Variants in USP7 observed in about 807,000 individuals in gnomAD.
USP7 encodes the protein ubiquitin specific peptidase 7.
A neutral mutation model predicts 162.9 loss-of-function variants in USP7; 9 were observed. That is an observed-to-expected ratio of 0.06 (90% CI 0.03 to 0.10). The LOEUF (loss-of-function observed/expected upper bound fraction) is 0.10, where lower values mean the gene tolerates loss of function less well. Among genes scored for constraint, USP7 ranks in the 10% least tolerant of loss-of-function variants. The pLI is 1.00. For missense variants in USP7, 715 were observed against 1,373.7 expected (o/e 0.52, Z 7.58); for synonymous variants, 562 against 475.9 (o/e 1.18, Z -2.35).
chr16:8,896,572 C>A (rs566483667), intron 26 of USP7, among the ~76,000 whole-genome samples: 1 of 152,140 alleles, frequency 6.6e-6, no homozygotes, highest in African/African-American at 2.4e-5. Context: ...CTAGATGGAA[C>A]AGAAGTGACT....
intron 1 of USP7, among the ~76,000 whole-genome samples, chr16:8,958,131 G>C (rs1369549968): frequency 6.6e-6 from 1 of 152,224 alleles, no homozygotes; most frequent in Admixed American, 6.5e-5. Context: ...GTCACCTTCA[G>C]AGCAAACAAG....
intron 3 of USP7, among the ~76,000 whole-genome samples, chr16:8,921,580 C>G (rs1467704367): frequency 1.3e-5 from 2 of 152,074 alleles, no homozygotes; most frequent in African/African-American, 4.8e-5. Context: ...CAATTTTGAC[C>G]TCTGCTTCTA....
rs1372705084 is a variant in USP7 at position 8,963,538 on chromosome 16, C to T, written c.-253G>A. 1 of 124,064 alleles carries T rather than the reference C, an allele frequency of 8.1e-6. No individual in the cohort carries two copies. The highest frequency in any genetic ancestry group is 1.7e-5 in the Non-Finnish European group (1 of 57,974). The allele number at this position is 124,064 out of a possible 1,614,324, so 7.7% of individuals were successfully genotyped here. A position where few individuals can be genotyped will look rare whatever the true frequency, so the allele number is the denominator to read the frequency against. On this transcript the variant is annotated 5_prime_UTR_variant, in exon 1 of 31. Coordinates refer to ENST00000344836, the MANE Select transcript of USP7 (RefSeq NM_003470.3). ...CGAGGCGGGCGGGCGGCCGGCGGGC[C>T]GGGCCGGGCGGCCTCGTCGCTCGCT...
intron 22 of USP7, 150 bp from the exon 23 acceptor site, chr16:8,899,338 A>C (rs2061739452): frequency 1.2e-6 from 1 of 803,504 alleles, no homozygotes; most frequent in African/African-American, 1.7e-5. Context: ...ATTATTCCTT[A>C]ATGAATCACC....
At chr16:8,935,579 CTA>C (rs1898661843) in intron 1 of USP7, 1 of 152,146 alleles carries the variant, frequency 6.6e-6, no homozygotes, top group South Asian at 2.1e-4. Context: ...ACACAAGTGA[CTA>C]TGTGCAATGT....
At chr16:8,895,245 T>C (rs1489121565) in intron 27 of USP7, 95 bp from the exon 28 acceptor site, 1 of 1,578,258 alleles carries the variant, frequency 6.3e-7, no homozygotes, top group African/African-American at 1.4e-5. Flanking sequence ...ACCCGGAGGG[T>C]AAAGCCTATT....
rs1567223638 is a variant in USP7 at position 8,918,975 on chromosome 16, T to C, written c.720+56A>G. On this transcript the variant is annotated intron_variant, in intron 6 of 30. Coordinates refer to ENST00000344836, the MANE Select transcript of USP7 (RefSeq NM_003470.3). The stretch of plus-strand genomic sequence containing the variant: ...TTGTTGAGAGGACTTTGCTCTGATA[T>C]ACCTGAGAAGAAAGGGTGAGCGGAA... The C allele has an allele frequency of 1.0e-5, 16 of 1,575,644 alleles. No individual in the cohort carries two copies. In the Admixed American group the frequency reaches 1.2e-4, roughly 12 times the overall value.
chr16:8,941,404 T>C (rs896694581), intron 1 of USP7, among the ~76,000 whole-genome samples: 3 of 152,200 alleles, frequency 2.0e-5, no homozygotes, highest in Non-Finnish European at 2.9e-5. Flanking sequence ...AAACATCTTA[T>C]TCTGTAGCCT....
At chr16:8,958,607 G>A (rs1430405029) in intron 1 of USP7, among the ~76,000 whole-genome samples, 2 of 152,168 alleles carry the variant, frequency 1.3e-5, no homozygotes, top group African/African-American at 4.8e-5. Context: ...ACAGGATGTG[G>A]GATAGAGACA....
rs1161832673 is a variant in USP7 at position 8,905,234 on chromosome 16, T to C, written c.1526A>G (p.His509Arg). The change falls in exon 14 of 31, where the codon CAC becomes CGC. Residue 509 changes from histidine (H) to arginine (R), a missense_variant. His to Arg is a conservative substitution (Grantham distance 29). Around this residue, in one of 11 missense-constraint regions of USP7, gnomAD observed 197 missense variants for 306.5 expected, o/e 0.64. Transcript: ENST00000344836. ...GGHDDDLSVR[H>R]CTNAYMLVYI... ...GACTAACATGTAAGCATTAGTGCAG[T>C]GTCGAACAGACAGGTCGTCATCGTG... is the stretch of plus-strand genomic sequence containing the variant. 1 of 1,614,238 alleles carries C rather than the reference T, an allele frequency of 6.2e-7. No individual in the cohort carries two copies. Among genetic ancestry groups the C allele is most frequent in the Admixed American group, 1.7e-5 (1 of 60,024 alleles).
chr16:8,908,946 G>C (rs1488567725), intron 11 of USP7, among the ~76,000 whole-genome samples: 2 of 152,156 alleles, frequency 1.3e-5, no homozygotes, highest in East Asian at 3.9e-4. Flanking sequence ...CCTTTCCTTG[G>C]GCTCTTTGAT....
chr16:8,927,521 C>A (rs1898080467), intron 2 of USP7, among the ~76,000 whole-genome samples: 1 of 152,130 alleles, frequency 6.6e-6, no homozygotes, highest in Non-Finnish European at 1.5e-5. Context: ...AAATCTAGAT[C>A]CATCTAGATC....
At chr16:8,902,337 C>A in intron 17 of USP7, 44 bp downstream of exon 17, 1 of 1,606,296 alleles carries the variant, frequency 6.2e-7, no homozygotes, top group Non-Finnish European at 8.5e-7. Context: ...GGACTAACGC[C>A]TTCTGCACGG....
chr16:8,926,748 A>AGTC (rs749784172), intron 2 of USP7, among the ~76,000 whole-genome samples: 12 of 152,216 alleles, frequency 7.9e-5, no homozygotes, highest in Non-Finnish European at 1.5e-4. Flanking sequence ...ATCTGCCTGG[A>AGTC]TGCCACTAAC....
chr16:8,902,832 G>A (rs1327089437), intron 16 of USP7, among the ~76,000 whole-genome samples: 1 of 151,912 alleles, frequency 6.6e-6, no homozygotes, highest in Non-Finnish European at 1.5e-5. Context: ...AGGTTGCAGT[G>A]AGCCAAGATC....
At chr16:8,912,781 A>T (rs2061968308) in intron 10 of USP7, among the ~76,000 whole-genome samples, 1 of 152,120 alleles carries the variant, frequency 6.6e-6, no homozygotes, top group African/African-American at 2.4e-5. Context: ...TTAATTGATA[A>T]ATACATAGAA....
At position 8,917,122 on chromosome 16, in the gene USP7, G is replaced by A. The variant is rs752857703; in HGVS notation, c.755C>T (p.Ser252Leu). Residue 252 changes from serine (S) to leucine (L), a missense_variant, in exon 7 of 31, where the codon TCG (serine) becomes TTG (leucine). Physicochemically the swap from Ser to Leu is moderately radical, Grantham distance 145 (BLOSUM62 -2). This residue lies in a region of USP7 where 24 missense variants were observed against 153.3 expected (regional missense o/e 0.16). Coordinates refer to ENST00000344836, the MANE Select transcript of USP7 (RefSeq NM_003470.3). ...VYMMPTEGDD[S>L]SKSVPLALQR... Reference sequence around the variant, plus strand: ...TAATGCTAAAGGGACGCTTTTAGACGAATCATCCCCCTCGGTTGGCATCAT... The same window carrying A: ...TAATGCTAAAGGGACGCTTTTAGACAAATCATCCCCCTCGGTTGGCATCAT... The A allele has an allele frequency of 1.2e-6, 2 of 1,613,036 alleles. No individual in the cohort carries two copies. The highest frequency in any genetic ancestry group is 1.7e-6 in the Non-Finnish European group (2 of 1,179,730).
At chr16:8,933,318 G>A (rs939950226) in intron 1 of USP7, among the ~76,000 whole-genome samples, 6 of 152,172 alleles carry the variant, frequency 3.9e-5, no homozygotes, top group South Asian at 4.1e-4. Flanking sequence ...GGGCCAAGAC[G>A]GGACGATCAC....
At chr16:8,895,242 G>A in intron 27 of USP7, 92 bp from the exon 28 acceptor site, 1 of 1,582,762 alleles carries the variant, frequency 6.3e-7, no homozygotes, top group Non-Finnish European at 8.6e-7. Flanking sequence ...CTAACCCGGA[G>A]GGTAAAGCCT....
Sources: allele counts gnomAD v4.1 joint callset (sites outside exome capture counted in the v4.1 genomes callset), GRCh38; gene constraint gnomAD v4.1.1; regional missense constraint gnomAD v4.1.1; transcripts MANE v1.5; gene names NCBI Gene and HGNC (gene_info 2026-07-23, HGNC 2026-07-21).